SFXN5: variants seen among roughly 807,000 people sequenced by gnomAD.
SFXN5 encodes the protein sideroflexin-5.
A neutral mutation model predicts 50.2 loss-of-function variants in SFXN5; 43 were observed. That is an observed-to-expected ratio of 0.86 (90% confidence interval 0.67 to 1.11). The LOEUF (loss-of-function observed/expected upper bound fraction) is 1.11. Among genes scored for constraint, SFXN5 ranks in the 50% least tolerant of loss-of-function variants. The pLI, the probability that SFXN5 is intolerant of heterozygous loss-of-function variation, is 0.00. For missense variants in SFXN5, 463 were observed against 454.1 expected, an observed-to-expected ratio of 1.02 and a Z score of -0.18; for synonymous variants, 203 against 185.8, an observed-to-expected ratio of 1.09 and a Z score of -0.75.
At chr2:72,972,680 T>C (rs1371785809) in intron 10 of SFXN5, among the ~76,000 whole-genome samples, 1 of 151,952 alleles carries the variant, frequency 6.6e-6, no homozygotes, top group East Asian at 1.9e-4. Context: ...TGGGGGGACC[T>C]GGGAGGGGTG....
intron 6 of SFXN5, among the ~76,000 whole-genome samples, chr2:73,006,903 G>A (rs745692346): frequency 2.6e-5 from 4 of 152,204 alleles, no homozygotes; most frequent in Non-Finnish European, 5.9e-5. Context: ...CCAGGAAGAG[G>A]GGCAGTTTGT....
At chr2:72,946,562 G>A (rs773890523) in intron 13 of SFXN5, among the ~76,000 whole-genome samples, 32 of 152,160 alleles carry the variant, frequency 2.1e-4, no homozygotes, top group Non-Finnish European at 4.0e-4. Flanking sequence ...GTTCACAGCC[G>A]CCTGCCTGCC....
Position 72,944,634 on chromosome 2 carries a change from A to G in SFXN5, c.*388T>C, listed in dbSNP as rs1030659452. On this transcript the variant is annotated 3_prime_UTR_variant, in exon 14 of 14. Transcript: ENST00000272433. The stretch of plus-strand genomic sequence containing the variant: ...ACCTGTCCTCCTGCCACTTCTGGTC[A>G]GCTGAAACTAAGGCTCAGATTTGAT... The G allele has an allele frequency of 5.9e-6, 1 of 169,630 alleles. No individual in the cohort carries two copies. Among genetic ancestry groups the G allele is most frequent in the Admixed American group, 5.8e-5 (1 of 17,156 alleles). 10.5% of individuals were successfully genotyped at this position (169,630 alleles called of 1,614,324 possible).
At position 73,010,723 on chromosome 2, in the gene SFXN5, T is replaced by C. The variant is rs559108839; in HGVS notation, c.358-9145A>G. On this transcript the variant is annotated intron_variant, in intron 6 of 13. Coordinates refer to ENST00000272433, the MANE Select transcript of SFXN5 (RefSeq NM_144579.3). Reference sequence around the variant, plus strand: ...TCTGAAAATAAGATAAGCTAGAACATAACAAAAGAACACATTTTTTAAAAC... The same window carrying C: ...TCTGAAAATAAGATAAGCTAGAACACAACAAAAGAACACATTTTTTAAAAC... 2.0e-5 allele frequency among the ~76,000 whole-genome samples: 3 copies of C among 152,184 alleles called. No individual in the cohort carries two copies. The South Asian group carries it at 6.2e-4, about 31-fold the overall frequency.
At chr2:73,041,312 T>A (rs1679595574) in intron 2 of SFXN5, among the ~76,000 whole-genome samples, 1 of 152,174 alleles carries the variant, frequency 6.6e-6, no homozygotes, top group Non-Finnish European at 1.5e-5. Flanking sequence ...ACAACCAAAC[T>A]GGTGGCTGGG....
At chr2:73,062,430 C>T (rs58469852) in intron 1 of SFXN5, among the ~76,000 whole-genome samples, 17,230 of 152,072 alleles carry the variant, frequency 0.11, 1,323 homozygotes, top group East Asian at 0.41. Flanking sequence ...GAGGAGAGAA[C>T]CTGGAAGTAG....
rs1326881934 is a variant in SFXN5, at chr2:72,944,975, C to T, written c.*47G>A. 4 of 1,580,828 alleles carry T rather than the reference C, an allele frequency of 2.5e-6. No homozygotes were observed. In the East Asian group the frequency reaches 6.8e-5, roughly 27 times the overall value. On this transcript the variant is annotated 3_prime_UTR_variant, in exon 14 of 14. Transcript: ENST00000272433. ...GCCGTGAGTCTACGGCCCTGCCCCTCAGCTCCCCGGCTGCACAGTGCTCCG... is the reference window on the plus strand; with the variant it reads ...GCCGTGAGTCTACGGCCCTGCCCCTTAGCTCCCCGGCTGCACAGTGCTCCG...
intron 1 of SFXN5, among the ~76,000 whole-genome samples, chr2:73,070,181 G>A (rs563336923): frequency 6.6e-6 from 1 of 152,260 alleles, no homozygotes; most frequent in African/African-American, 2.4e-5. Context: ...AATGTAATAA[G>A]GTCACTCAAG....
At chr2:73,033,397 G>A (rs1263598906) in intron 3 of SFXN5, among the ~76,000 whole-genome samples, 2 of 152,294 alleles carry the variant, frequency 1.3e-5, no homozygotes, top group African/African-American at 4.8e-5. Flanking sequence ...AAGGAAAAGT[G>A]CTTCAGGAAA....
At chr2:72,989,821 C>T (rs1672358803) in intron 9 of SFXN5, among the ~76,000 whole-genome samples, 1 of 152,200 alleles carries the variant, frequency 6.6e-6, no homozygotes. Context: ...CTCTGCTTCC[C>T]CAGACAGAGG....
chr2:72,984,826 G>C (rs1671704545), intron 10 of SFXN5, among the ~76,000 whole-genome samples: 1 of 152,168 alleles, frequency 6.6e-6, no homozygotes, highest in Non-Finnish European at 1.5e-5. Flanking sequence ...GAATGGTGGA[G>C]TTTGGTGTGG....
At position 72,944,716 on chromosome 2, in the gene SFXN5, C is replaced by T. The variant is rs1433059704; in HGVS notation, c.*306G>A. 5 of 329,454 alleles carry T rather than the reference C, an allele frequency of 1.5e-5. No individual in the cohort carries two copies. The East Asian group carries it at 2.7e-4, about 18-fold the overall frequency. The allele number at this position is 329,454 out of a possible 1,614,324, so 20.4% of individuals were successfully genotyped here. On this transcript the variant is annotated 3_prime_UTR_variant, in exon 14 of 14. Coordinates refer to ENST00000272433, the MANE Select transcript of SFXN5 (RefSeq NM_144579.3). Reference sequence around the variant, plus strand: ...AAAGTATAAAAGGATTCTACTTCTACCCCATGGGCACTCTACAATTTTTCA... The same window carrying T: ...AAAGTATAAAAGGATTCTACTTCTATCCCATGGGCACTCTACAATTTTTCA...
chr2:72,995,332 T>C (rs532946076), intron 9 of SFXN5, among the ~76,000 whole-genome samples: 153 of 152,372 alleles, frequency 1.0e-3, no homozygotes, highest in African/African-American at 3.5e-3. Flanking sequence ...GGGATTTCTT[T>C]TTTATTCTCA....
chr2:72,948,782 A>C (rs1489505750), intron 13 of SFXN5, among the ~76,000 whole-genome samples: 3 of 152,148 alleles, frequency 2.0e-5, no homozygotes, highest in African/African-American at 7.2e-5. Context: ...GATCAGGAGC[A>C]GGGGCCCCAG....
chr2:73,001,184 C>T (rs1318880136), intron 7 of SFXN5, among the ~76,000 whole-genome samples: 1 of 152,224 alleles, frequency 6.6e-6, no homozygotes, highest in Non-Finnish European at 1.5e-5. Context: ...GGCTATGGGC[C>T]TCAGGGTCAC....
intron 5 of SFXN5, 80 bp downstream of exon 5, chr2:73,022,442 G>T: frequency 2.8e-6 from 3 of 1,089,512 alleles, no homozygotes; most frequent in Non-Finnish European, 4.3e-6. Flanking sequence ...CCTTAGGCCA[G>T]CACATCTGGA....
chr2:72,977,637 T>C (rs781742145), intron 10 of SFXN5, among the ~76,000 whole-genome samples: 4 of 152,196 alleles, frequency 2.6e-5, no homozygotes, highest in Admixed American at 6.5e-5. Flanking sequence ...GTTTAATATA[T>C]AGTCAGATAA....
chr2:73,050,384 C>CAG (rs1483848189), intron 2 of SFXN5, among the ~76,000 whole-genome samples: 1 of 68,134 alleles, frequency 1.5e-5, no homozygotes, highest in East Asian at 8.9e-4. Flanking sequence ...GCCGCAGCCA[C>CAG]AGCGCACGCA....
At chr2:73,015,469 T>A (rs922271588) in intron 6 of SFXN5, among the ~76,000 whole-genome samples, 10 of 152,124 alleles carry the variant, frequency 6.6e-5, no homozygotes, top group African/African-American at 2.4e-4. Context: ...GAAGATTTCC[T>A]TTTTTTCCTC....
Sources: allele counts gnomAD v4.1 joint callset (sites outside exome capture counted in the v4.1 genomes callset), GRCh38; gene constraint gnomAD v4.1.1; transcripts MANE v1.5; gene names NCBI Gene and HGNC (gene_info 2026-07-23, HGNC 2026-07-21).